HDGFL3: variants seen among roughly 807,000 people sequenced by gnomAD.
The protein encoded by HDGFL3 is hepatoma-derived growth factor-related protein 3.
HDGFL3 carries 6 observed loss-of-function variants against 27.6 expected under a neutral mutation model. The ratio of observed to expected loss-of-function variants is 0.22; its 90% confidence interval spans 0.12 to 0.43. HDGFL3 has a LOEUF of 0.43. Among genes scored for constraint, HDGFL3 ranks in the 20% least tolerant of loss-of-function variants. The pLI is 1.00. For missense variants in HDGFL3, 207 were observed against 250.1 expected (o/e 0.83, Z 1.16); for synonymous variants, 88 against 88.9 (o/e 0.99, Z 0.05).
At chr15:83,119,832 C>T (rs937980164) in intron 3 of HDGFL3, 10 of 1,204,030 alleles carry the variant, frequency 8.3e-6, no homozygotes, top group Non-Finnish European at 1.1e-5. Flanking sequence ...TGGCTTTATC[C>T]TCCTTGTACC....
At chr15:83,187,499 C>T (rs1332039495) in intron 1 of HDGFL3, among the ~76,000 whole-genome samples, 1 of 152,104 alleles carries the variant, frequency 6.6e-6, no homozygotes, top group Non-Finnish European at 1.5e-5. Flanking sequence ...TTTTTAATGG[C>T]CGCATAATAA....
rs2036676207 is a variant in HDGFL3, at chr15:83,137,539, A to G, written c.*1731T>C. 2 of 152,196 alleles carry G rather than the reference A, an allele frequency of 1.3e-5. No individual in the cohort carries two copies. The highest frequency in any genetic ancestry group is 4.1e-4 in the South Asian group (2 of 4,832). 9.4% of individuals were successfully genotyped at this position (152,196 alleles called of 1,614,324 possible). A position where few individuals can be genotyped will look rare whatever the true frequency, so the allele number is the denominator to read the frequency against. On this transcript the variant is annotated 3_prime_UTR_variant, in exon 6 of 6. Coordinates refer to ENST00000299633, the MANE Select transcript of HDGFL3 (RefSeq NM_016073.4). ...TTTCATTAATTAAAAAATACATTCA[A>G]ATATTCAAAATTAAAAAGGACCTTT...
chr15:83,193,924 G>A (rs1244885181), intron 1 of HDGFL3, among the ~76,000 whole-genome samples: 5 of 152,114 alleles, frequency 3.3e-5, no homozygotes, highest in African/African-American at 9.7e-5. Context: ...ACGCTGCCAC[G>A]TTAATAAGAG....
At chr15:83,186,263 G>A (rs2151418163) in intron 1 of HDGFL3, among the ~76,000 whole-genome samples, 1 of 152,286 alleles carries the variant, frequency 6.6e-6, no homozygotes, top group Non-Finnish European at 1.5e-5. Flanking sequence ...TAATTAATAT[G>A]GAGTAGCTCT....
Position 83,157,498 on chromosome 15 carries a change from C to G in HDGFL3, c.376G>C (p.Gly126Arg). ...NTADASSEEE[G>R]DRVEEDGKGK... is the part of the protein sequence containing the mutation. ...TTTCCATCTTCTTCTACTCTATCAC[C>G]TTCTTCCTCACTGCTTGCATCTGCA... The change falls in exon 4 of 6, where the codon GGT becomes CGT. Residue 126 changes from glycine (G) to arginine (R), a missense_variant. Transcript: ENST00000299633. The G allele has an allele frequency of 1.9e-6, 3 of 1,613,644 alleles. No individual in the cohort carries two copies. Among genetic ancestry groups the G allele is most frequent in the Non-Finnish European group, 2.5e-6 (3 of 1,179,590 alleles).
At chr15:83,199,172 T>C (rs908449337) in intron 1 of HDGFL3, among the ~76,000 whole-genome samples, 5 of 152,192 alleles carry the variant, frequency 3.3e-5, no homozygotes, top group African/African-American at 1.2e-4. Context: ...TTGGTTTCAT[T>C]TGGAACATCA....
chr15:83,198,041 A>G (rs976783238), intron 1 of HDGFL3, among the ~76,000 whole-genome samples: 1 of 98,916 alleles, frequency 1.0e-5, no homozygotes, highest in Non-Finnish European at 2.0e-5. Flanking sequence ...GGTGACAGAG[A>G]GAGACTCCGT....
chr15:83,161,800 G>A (rs1267221653), intron 2 of HDGFL3, among the ~76,000 whole-genome samples: 1 of 151,996 alleles, frequency 6.6e-6, no homozygotes, highest in Non-Finnish European at 1.5e-5. Flanking sequence ...CTCTCAATTG[G>A]TTAATTGCTA....
Position 83,151,232 on chromosome 15 carries a change from G to C in HDGFL3, c.589C>G (p.Gln197Glu). The C allele has an allele frequency of 6.2e-7, 1 of 1,612,454 alleles. No homozygotes were observed. The highest frequency in any genetic ancestry group is 8.5e-7 in the Non-Finnish European group (1 of 1,179,700). ...NDTRNTTSDL[Q>E]KTSEGT ...ATCCTTACCCCTTCACTGGTTTTCT[G>C]CAAGTCTGAAGTTGTGTTTCTTGTG... The change falls in exon 5 of 6, where the codon CAG becomes GAG. Residue 197 changes from glutamine (Q) to glutamate (E), a missense_variant. Transcript: ENST00000299633.
At chr15:83,139,716 A>T (rs2036729810) in intron 5 of HDGFL3, among the ~76,000 whole-genome samples, 1 of 152,214 alleles carries the variant, frequency 6.6e-6, no homozygotes, top group Non-Finnish European at 1.5e-5. Context: ...GAATATTTAT[A>T]ACTTAATTAC....
chr15:83,144,318 A>G (rs543952365), intron 5 of HDGFL3, among the ~76,000 whole-genome samples: 7 of 152,268 alleles, frequency 4.6e-5, no homozygotes, highest in African/African-American at 9.6e-5. Context: ...ATAGTCTCCA[A>G]TGATTCCTGC....
intron 4 of HDGFL3, among the ~76,000 whole-genome samples, chr15:83,153,583 C>T (rs2036991007): frequency 6.6e-6 from 1 of 152,042 alleles, no homozygotes; most frequent in Non-Finnish European, 1.5e-5. Context: ...TGGAGAAGGA[C>T]TCAGTTTTAT....
At chr15:83,119,766 A>T in intron 3 of HDGFL3, 1 of 1,588,898 alleles carries the variant, frequency 6.3e-7, no homozygotes. Context: ...ATAGAGGCAA[A>T]TACACAAGCA....
In HDGFL3 at chr15:83,207,520, C is replaced by T. The variant is rs2037738765; in HGVS notation, c.-106G>A. The T allele has an allele frequency of 1.1e-6, 1 of 916,216 alleles. No individual in the cohort carries two copies. Among genetic ancestry groups the T allele is most frequent in the Non-Finnish European group, 1.4e-6 (1 of 700,618 alleles). 56.8% of individuals were successfully genotyped at this position (916,216 alleles called of 1,614,324 possible). A position where few individuals can be genotyped will look rare whatever the true frequency, so the allele number is the denominator to read the frequency against. ...GCCGCGCTCCCCGCGGGCCTCAAGC[C>T]GGGCGGACGAGCGGCCGCTCCGACG... On this transcript the variant is annotated 5_prime_UTR_variant, in exon 1 of 6. Transcript: ENST00000299633. The surrounding 1 kb of genome is among the most constrained non-coding windows in gnomAD (Gnocchi z 4.8).
At chr15:83,178,006 A>G (rs2037334034) in intron 1 of HDGFL3, among the ~76,000 whole-genome samples, 1 of 152,248 alleles carries the variant, frequency 6.6e-6, no homozygotes, top group African/African-American at 2.4e-5. Flanking sequence ...TTGTTCATCA[A>G]GTATCTGGGT....
intron 1 of HDGFL3, among the ~76,000 whole-genome samples, chr15:83,203,865 T>C (rs2037682969): frequency 6.6e-6 from 1 of 151,264 alleles, no homozygotes; most frequent in South Asian, 2.1e-4. Flanking sequence ...AATTTAGATA[T>C]ATTAGTGATG....
Position 83,134,890 on chromosome 15 carries a change from T to C in HDGFL3, c.*4380A>G, listed in dbSNP as rs2036509344. 1 of 152,262 alleles carries C rather than the reference T, an allele frequency of 6.6e-6. No individual in the cohort carries two copies. The highest frequency in any genetic ancestry group is 2.4e-5 in the African/African-American group (1 of 41,456). 9.4% of individuals were successfully genotyped at this position (152,262 alleles called of 1,614,324 possible). On this transcript the variant is annotated 3_prime_UTR_variant, in exon 6 of 6. Transcript: ENST00000299633. Reference sequence around the variant, plus strand: ...GAGCCATGCTCCTGCTCAGAGTTCCTAGAATGTCCAGAAAGCACCTCCTCA... The same window carrying C: ...GAGCCATGCTCCTGCTCAGAGTTCCCAGAATGTCCAGAAAGCACCTCCTCA...
At chr15:83,143,569 G>A (rs1165622762) in intron 5 of HDGFL3, among the ~76,000 whole-genome samples, 4 of 152,082 alleles carry the variant, frequency 2.6e-5, no homozygotes, top group African/African-American at 7.2e-5. Context: ...GCGACAGAGC[G>A]AAACTCCATC....
chr15:83,150,161 G>A (rs1200926227), intron 5 of HDGFL3, among the ~76,000 whole-genome samples: 1 of 152,148 alleles, frequency 6.6e-6, no homozygotes, highest in Non-Finnish European at 1.5e-5. Flanking sequence ...CATGAGAAGT[G>A]CATCTAGAAA....
Sources: allele counts gnomAD v4.1 joint callset (sites outside exome capture counted in the v4.1 genomes callset), GRCh38; gene constraint gnomAD v4.1.1; non-coding constraint Gnocchi (gnomAD v3.1); transcripts MANE v1.5; gene names NCBI Gene and HGNC (gene_info 2026-07-23, HGNC 2026-07-21).